Variants in KNL1 observed in about 807,000 individuals in gnomAD.
KNL1 encodes the protein kinetochore scaffold 1.
Under a neutral mutation model 201.3 loss-of-function variants are expected in KNL1, and 66 were observed. The observed-to-expected ratio is 0.33, with a 90% CI of 0.27 to 0.40. The LOEUF (loss-of-function observed/expected upper bound fraction) is 0.40, where lower values mean the gene tolerates loss of function less well. Ranked by LOEUF, KNL1 falls within the 10% of genes least tolerant of loss-of-function variation. KNL1 has a pLI of 1.00. For missense variants in KNL1, 2,815 were observed against 2,690.5 expected (o/e 1.05, Z -1.02); for synonymous variants, 895 against 899.2 (o/e 1.00, Z 0.08).
In KNL1 at chr15:40,650,852, A is replaced by G. The variant is rs553022008; in HGVS notation, c.6212+269A>G. 3.3e-5 allele frequency among the ~76,000 whole-genome samples: 5 copies of G among 152,286 alleles called. No individual in the cohort carries two copies. In the East Asian group the frequency reaches 9.6e-4, roughly 29 times the overall value. ...TTTTGTTTAATAAATGTAAATATAAACAAGTATAAAATGAAGTATATATTT... is the reference window on the plus strand; with the variant it reads ...TTTTGTTTAATAAATGTAAATATAAGCAAGTATAAAATGAAGTATATATTT... On this transcript the variant is annotated intron_variant, in intron 19 of 25. Coordinates refer to ENST00000399668, the MANE Select transcript of KNL1 (RefSeq NM_144508.5).
At position 40,621,840 on chromosome 15, in the gene KNL1, A is replaced by C. The variant is rs750700668; in HGVS notation, c.1576A>C (p.Thr526Pro). 27 of 1,613,602 alleles carry C rather than the reference A, an allele frequency of 1.7e-5. No individual in the cohort carries two copies. In the East Asian group the frequency reaches 6.0e-4, roughly 36 times the overall value. Residue 526 changes from threonine to proline, a missense_variant, in exon 10 of 26, where the codon ACA becomes CCA. Thr to Pro is a conservative substitution (Grantham distance 38). Transcript: ENST00000399668. ...KEMMLQNLMT[T>P]SEDGKMNVNC... ...AATGATGCTCCAAAATCTTATGACCACATCAGAAGATGGGAAAATGAATGT... is the reference window on the plus strand; with the variant it reads ...AATGATGCTCCAAAATCTTATGACCCCATCAGAAGATGGGAAAATGAATGT...
At position 40,651,924 on chromosome 15, in the gene KNL1, TA is replaced by T. The variant is rs142337596; in HGVS notation, c.6315-80del. On this transcript the variant is annotated intron_variant, in intron 20 of 25. Coordinates refer to ENST00000399668, the MANE Select transcript of KNL1 (RefSeq NM_144508.5). ...GAAAAACATTAGCAGCTGCTGTTGGTACTGTTTGGGTGGTATCAGAAGTTCT... is the reference window on the plus strand; with the variant it reads ...GAAAAACATTAGCAGCTGCTGTTGGTCTGTTTGGGTGGTATCAGAAGTTCT... 4.0e-3 allele frequency: 3,281 copies of T among 825,656 alleles called. 75 individuals are homozygous for T. The African/African-American group carries it at 0.047, about 12-fold the overall frequency. The allele number at this position is 825,656 out of a possible 1,614,324, so 51.1% of individuals were successfully genotyped here.
At position 40,622,095 on chromosome 15, in the gene KNL1, G is replaced by A; in HGVS notation, c.1831G>A (p.Glu611Lys). 1 of 1,614,070 alleles carries A rather than the reference G, an allele frequency of 6.2e-7. No homozygotes were observed. The highest frequency in any genetic ancestry group is 8.5e-7 in the Non-Finnish European group (1 of 1,179,966). The change falls in exon 10 of 26, where the codon GAA becomes AAA. Residue 611 changes from glutamate (E) to lysine (K), a missense_variant. By Grantham distance (56) the Glu-to-Lys change is moderately conservative. Around this residue, in one of 3 missense-constraint regions of KNL1, gnomAD observed 2,464 missense variants for 2,291.7 expected, o/e 1.08. Transcript: ENST00000399668. ...SHSQSKSSSD[E>K]CEEITKSRNE... ...CTCTCAGAGCAAAAGCTCTTCAGAT[G>A]AATGTGAAGAAATTACCAAAAGTCG...
intron 13 of KNL1, among the ~76,000 whole-genome samples, 199 bp from the exon 14 acceptor site, chr15:40,640,713 A>C (rs1004267001): frequency 1.6e-4 from 24 of 152,222 alleles, no homozygotes; most frequent in African/African-American, 5.8e-4. Context: ...GTTCCAGTAA[A>C]ATCTATGGGG....
chr15:40,595,804 A>G (rs191743938), intron 1 of KNL1, among the ~76,000 whole-genome samples: 119 of 152,312 alleles, frequency 7.8e-4, no homozygotes, highest in Non-Finnish European at 1.1e-3. Context: ...TTAAATGTAA[A>G]TAACTACTAT....
intron 5 of KNL1, among the ~76,000 whole-genome samples, chr15:40,609,243 A>C (rs1186252762): frequency 2.8e-5 from 4 of 141,488 alleles, no homozygotes; most frequent in Non-Finnish European, 6.1e-5. Flanking sequence ...TCCCATCTCT[A>C]CAAAAAAAAA....
chr15:40,643,254 A>G (rs1157570664), intron 14 of KNL1: 1 of 151,708 alleles, frequency 6.6e-6, no homozygotes. Context: ...CTTACTGAGA[A>G]CTCTGCCTCC....
In KNL1 at chr15:40,629,302, G is replaced by A. The variant is rs758833185; in HGVS notation, c.5613G>A (p.Arg1871=). The A allele has an allele frequency of 2.8e-5, 45 of 1,599,424 alleles. No homozygotes were observed. Among genetic ancestry groups the A allele is most frequent in the Non-Finnish European group, 3.7e-5 (43 of 1,176,620 alleles). ...EKLQDGRITI[R]EFFILLQVHI... is the part of the protein sequence containing the mutation. ...TCCAAGATGGGAGAATAACAATAAGGGAGTTCTTTATACTTCTCCAGGTCC... is the reference window on the plus strand; with the variant it reads ...TCCAAGATGGGAGAATAACAATAAGAGAGTTCTTTATACTTCTCCAGGTCC... Residue 1871 remains arginine (R), a synonymous_variant, in exon 13 of 26, where the codon AGG becomes AGA. Transcript: ENST00000399668.
At chr15:40,601,019 A>G (rs1891773899) in intron 1 of KNL1, among the ~76,000 whole-genome samples, 1 of 152,214 alleles carries the variant, frequency 6.6e-6, no homozygotes, top group African/African-American at 2.4e-5. Flanking sequence ...CTATATTTAG[A>G]TATCTAATTC....
Position 40,605,116 on chromosome 15 carries a change from T to C in KNL1, c.42T>C (p.Asn14=). The change falls in exon 3 of 26, where the codon AAT becomes AAC. Residue 14 remains asparagine, a synonymous_variant. Coordinates refer to ENST00000399668, the MANE Select transcript of KNL1 (RefSeq NM_144508.5). ...VSSEANEEND[N]IERPVRRRHS... ...TTTTGTTTTCCTTTTTCAGTGACAATATAGAGAGACCTGTTAGAAGACGGC... is the reference window on the plus strand; with the variant it reads ...TTTTGTTTTCCTTTTTCAGTGACAACATAGAGAGACCTGTTAGAAGACGGC... 1.4e-6 allele frequency: 2 copies of C among 1,475,110 alleles called. No homozygotes were observed. Among genetic ancestry groups the C allele is most frequent in the South Asian group, 1.1e-5 (1 of 87,718 alleles). The allele number at this position is 1,475,110 out of a possible 1,614,324, so 91.4% of individuals were successfully genotyped here.
intron 19 of KNL1, among the ~76,000 whole-genome samples, chr15:40,651,227 G>T (rs143882199): frequency 2.7e-3 from 405 of 150,040 alleles, no homozygotes; most frequent in African/African-American, 9.7e-3. Context: ...TATCTTCATG[G>T]ATCCTAATTT....
At chr15:40,634,093 TG>T (rs745418069) in intron 13 of KNL1, among the ~76,000 whole-genome samples, 103 of 152,036 alleles carry the variant, frequency 6.8e-4, no homozygotes, top group Non-Finnish European at 1.2e-3. Context: ...TTTTTGTTGT[TG>T]TTGTTGTTGT....
chr15:40,605,949 C>T (rs1891957099), intron 3 of KNL1, among the ~76,000 whole-genome samples: 1 of 152,190 alleles, frequency 6.6e-6, no homozygotes, highest in Admixed American at 6.5e-5. Flanking sequence ...TGTGATACAT[C>T]TAGCTCTTTT....
At chr15:40,647,788 GT>G (rs1397265704) in intron 17 of KNL1, among the ~76,000 whole-genome samples, 15 of 152,282 alleles carry the variant, frequency 9.9e-5, no homozygotes, top group Admixed American at 1.3e-4. Flanking sequence ...ACTGATGACT[GT>G]TCTTTTCTTC....
intron 7 of KNL1, among the ~76,000 whole-genome samples, chr15:40,613,344 A>C (rs999090618): frequency 1.3e-5 from 2 of 152,216 alleles, no homozygotes; most frequent in African/African-American, 4.8e-5. Flanking sequence ...TATCTCTGGA[A>C]GAAACTAGTA....
rs1892611036 is a variant in KNL1, at chr15:40,623,285, T to C, written c.3021T>C (p.Arg1007=). 1.2e-6 allele frequency: 2 copies of C among 1,613,854 alleles called. No homozygotes were observed. The highest frequency in any genetic ancestry group is 1.3e-5 in the African/African-American group (1 of 75,016). Residue 1007 remains arginine (R), a synonymous_variant, in exon 10 of 26, where the codon CGT becomes CGC. Transcript: ENST00000399668. Reference sequence around the variant, plus strand: ...TTCCAGGAAATGGTGAAAGTGACCGTCTAGTAGCAAATGACAGCCAGCTAA... The same window carrying C: ...TTCCAGGAAATGGTGAAAGTGACCGCCTAGTAGCAAATGACAGCCAGCTAA... ...VFFPGNGESD[R]LVANDSQLTP... is the part of the protein sequence containing the mutation.
At chr15:40,598,166 C>G (rs1029722983) in intron 1 of KNL1, among the ~76,000 whole-genome samples, 1 of 147,560 alleles carries the variant, frequency 6.8e-6, no homozygotes, top group Non-Finnish European at 1.5e-5. Flanking sequence ...AAGAGGGAAA[C>G]TCCGTCTCAA....
At position 40,620,974 on chromosome 15, in the gene KNL1, A is replaced by G; in HGVS notation, c.710A>G (p.Glu237Gly). The change falls in exon 10 of 26, where the codon GAA becomes GGA. Residue 237 changes from glutamate (E) to glycine (G), a missense_variant. Transcript: ENST00000399668. Reference protein sequence around the residue: ...CSAFPDVPDKENFEIPIYSKE... With the variant: ...CSAFPDVPDKGNFEIPIYSKE... ...GCTTTTCCTGATGTGCCTGATAAAG[A>G]AAATTTTGAGATACCTATTTATTCC... 6.2e-7 allele frequency: 1 copy of G among 1,605,158 alleles called. No homozygotes were observed. Among genetic ancestry groups the G allele is most frequent in the Non-Finnish European group, 8.5e-7 (1 of 1,177,554 alleles).
intron 1 of KNL1, among the ~76,000 whole-genome samples, chr15:40,602,704 C>G (rs1891847635): frequency 6.6e-6 from 1 of 151,680 alleles, no homozygotes; most frequent in Non-Finnish European, 1.5e-5. Context: ...AGGCTGATCT[C>G]AAACTTCTGA....
Sources: allele counts gnomAD v4.1 joint callset (sites outside exome capture counted in the v4.1 genomes callset), GRCh38; gene constraint gnomAD v4.1.1; regional missense constraint gnomAD v4.1.1; transcripts MANE v1.5; gene names NCBI Gene and HGNC (gene_info 2026-07-23, HGNC 2026-07-21).